The following CTNND1 variants were observed in gnomAD, a reference collection of about 807,000 sequenced individuals.
CTNND1 encodes catenin delta 1.
CTNND1 carries 16 observed loss-of-function variants against 112.1 expected under a neutral mutation model. The observed-to-expected ratio is 0.14, with a 90% CI of 0.10 to 0.22. The LOEUF (loss-of-function observed/expected upper bound fraction) is 0.22. CTNND1 is among the 10% of genes least tolerant of loss of function. The pLI, the probability that CTNND1 is intolerant of heterozygous loss-of-function variation, is 1.00. For synonymous variants in CTNND1, 420 were observed against 446.5 expected, an observed-to-expected ratio of 0.94 and a Z score of 0.75; for missense variants, 1,008 against 1,257.0, an observed-to-expected ratio of 0.80 and a Z score of 3.00.
In CTNND1 at chr11:57,815,384, T is replaced by C; in HGVS notation, c.2702-10T>C. On this transcript the variant is annotated splice_polypyrimidine_tract_variant and intron_variant, in intron 18 of 20. Transcript: ENST00000399050. Reference sequence around the variant, plus strand: ...GTCATATTTCTGTGTACTTTTTTTTTTTTAACCAGATAACAACTATTCCAC... The same window carrying C: ...GTCATATTTCTGTGTACTTTTTTTTCTTTAACCAGATAACAACTATTCCAC... 8 of 1,537,486 alleles carry C rather than the reference T, an allele frequency of 5.2e-6. No homozygotes were observed. Among genetic ancestry groups the C allele is most frequent in the Non-Finnish European group, 7.0e-6 (8 of 1,137,398 alleles).
chr11:57,765,007 C>T (rs372640570), intron 1 of CTNND1, among the ~76,000 whole-genome samples: 75 of 152,284 alleles, frequency 4.9e-4, no homozygotes, highest in Middle Eastern at 3.4e-3. Flanking sequence ...ATCTTTAGAA[C>T]GAGAATCTTT....
chr11:57,803,253 G>T (rs922782295), intron 7 of CTNND1, among the ~76,000 whole-genome samples: 25 of 152,134 alleles, frequency 1.6e-4, no homozygotes, highest in African/African-American at 6.0e-4. Context: ...GACTACAGGT[G>T]CCCGCCACCA....
chr11:57,808,112 C>T (rs562244137), intron 12 of CTNND1, 53 bp from the exon 13 acceptor site: 1 of 1,559,272 alleles, frequency 6.4e-7, no homozygotes, highest in South Asian at 1.2e-5. Context: ...CAGCTAGAGC[C>T]TGGTTTATTG....
Position 57,817,974 on chromosome 11 carries a change from G to A in CTNND1, c.*1666G>A, listed in dbSNP as rs2064064278. The stretch of plus-strand genomic sequence containing the variant: ...CTTATATATTGAGGCTATGGGGTAG[G>A]AGAAAAGTGCACAACCCACCACCCC... On this transcript the variant is annotated 3_prime_UTR_variant, in exon 21 of 21. Coordinates refer to ENST00000399050, the MANE Select transcript of CTNND1 (RefSeq NM_001085458.2). 1 of 152,364 alleles carries A rather than the reference G, an allele frequency of 6.6e-6. No individual in the cohort carries two copies. The highest frequency in any genetic ancestry group is 1.5e-5 in the Non-Finnish European group (1 of 67,994). The allele number at this position is 152,364 out of a possible 1,614,324, so 9.4% of individuals were successfully genotyped here.
chr11:57,765,956 G>A, intron 1 of CTNND1, among the ~76,000 whole-genome samples: 1 of 152,036 alleles, frequency 6.6e-6, no homozygotes, highest in East Asian at 1.9e-4. Context: ...GGATCGCTGG[G>A]CAACATGGTG....
chr11:57,784,053 G>A (rs1031732083), intron 1 of CTNND1, among the ~76,000 whole-genome samples: 22 of 151,830 alleles, frequency 1.4e-4, no homozygotes, highest in African/African-American at 5.3e-4. Flanking sequence ...CTGAGTAGCT[G>A]GGACTACAGT....
rs564745028 is a variant in CTNND1, at chr11:57,810,966, A to AT, written c.2551-433_2551-432insT. On this transcript the variant is annotated intron_variant, in intron 16 of 20. Transcript: ENST00000399050. ...AGCTAAACCCTGTCTCAAAAAAAAAAGAAAAAAAAAAAGATTTGGTTTACT... is the reference window on the plus strand; with the variant it reads ...AGCTAAACCCTGTCTCAAAAAAAAAATGAAAAAAAAAAAGATTTGGTTTACT... 3.8e-4 allele frequency among the ~76,000 whole-genome samples: 57 copies of AT among 151,752 alleles called. No individual in the cohort carries two copies. The East Asian group carries it at 0.01, about 27-fold the overall frequency.
At chr11:57,781,734 G>A (rs1486795189) in intron 1 of CTNND1, 1 of 152,696 alleles carries the variant, frequency 6.5e-6, no homozygotes, top group Non-Finnish European at 1.5e-5. Flanking sequence ...ATGGATAATG[G>A]GGGAGGAGAA....
chr11:57,811,314 G>T, intron 16 of CTNND1, 85 bp from the exon 17 acceptor site: 1 of 1,056,154 alleles, frequency 9.5e-7, no homozygotes, highest in South Asian at 1.5e-5. Context: ...TTGGGAATAG[G>T]AACCTAGAGG....
Position 57,795,781 on chromosome 11 carries a change from C to A in CTNND1, c.420+52C>A. The A allele has an allele frequency of 7.4e-6, 11 of 1,491,758 alleles. No homozygotes were observed. The South Asian group carries it at 1.4e-4, about 19-fold the overall frequency. The allele number at this position is 1,491,758 out of a possible 1,614,324, so 92.4% of individuals were successfully genotyped here. A position where few individuals can be genotyped will look rare whatever the true frequency, so the allele number is the denominator to read the frequency against. Reference sequence around the variant, plus strand: ...GAAGTGATAAGAGGTCTTTTCTTCTCTATTAGGGGAGGGGTTAAGCACTTA... The same window carrying A: ...GAAGTGATAAGAGGTCTTTTCTTCTATATTAGGGGAGGGGTTAAGCACTTA... On this transcript the variant is annotated intron_variant, in intron 5 of 20. Transcript: ENST00000399050.
chr11:57,802,984 A>T (rs1039873279), intron 7 of CTNND1, among the ~76,000 whole-genome samples: 2 of 152,212 alleles, frequency 1.3e-5, no homozygotes, highest in Non-Finnish European at 2.9e-5. Context: ...GGGTACTGGT[A>T]AACATCCAAC....
At chr11:57,782,024 G>A (rs1255284313) in intron 1 of CTNND1, among the ~76,000 whole-genome samples, 3 of 151,782 alleles carry the variant, frequency 2.0e-5, no homozygotes, top group Non-Finnish European at 4.4e-5. Context: ...AGGTCATGAT[G>A]GTGGAGGTGA....
intron 19 of CTNND1, 136 bp downstream of exon 19, chr11:57,815,636 G>T: frequency 1.2e-6 from 1 of 861,624 alleles, no homozygotes; most frequent in Middle Eastern, 2.2e-4. Flanking sequence ...AAAAGTAAGA[G>T]TTCTGACTCA....
chr11:57,762,516 C>CT (rs1017160931), intron 1 of CTNND1, among the ~76,000 whole-genome samples: 4 of 151,836 alleles, frequency 2.6e-5, no homozygotes, highest in Admixed American at 2.0e-4. Flanking sequence ...ATGTTTAAAA[C>CT]TTTTTTTTTC....
At chr11:57,780,486 AC>A (rs2059459349) in intron 1 of CTNND1, among the ~76,000 whole-genome samples, 1 of 152,216 alleles carries the variant, frequency 6.6e-6, no homozygotes, top group Admixed American at 6.5e-5. Flanking sequence ...TGGGCAAGAT[AC>A]TAAATACTTC....
Position 57,808,517 on chromosome 11 carries a change from A to T in CTNND1, c.2219A>T (p.Asp740Val). 1 of 1,605,390 alleles carries T rather than the reference A, an allele frequency of 6.2e-7. No homozygotes were observed. The highest frequency in any genetic ancestry group is 1.1e-5 in the South Asian group (1 of 89,476). ...ASGALRNLAV[D>V]ARNKELIGKH... Reference sequence around the variant, plus strand: ...GGAGCACTGAGAAACCTGGCTGTGGATGCTCGCAACAAAGAATTAATTGGT... The same window carrying T: ...GGAGCACTGAGAAACCTGGCTGTGGTTGCTCGCAACAAAGAATTAATTGGT... Residue 740 changes from aspartate to valine, a missense_variant, in exon 14 of 21, where the codon GAT becomes GTT. This residue lies in a region of CTNND1 where 254 missense variants were observed against 279.5 expected (regional missense o/e 0.91). Coordinates refer to ENST00000399050, the MANE Select transcript of CTNND1 (RefSeq NM_001085458.2).
intron 1 of CTNND1, among the ~76,000 whole-genome samples, chr11:57,776,064 G>A (rs1003654574): frequency 4.6e-5 from 7 of 152,146 alleles, no homozygotes; most frequent in African/African-American, 1.2e-4. Flanking sequence ...AACATAATTG[G>A]GCAGAGGGGA....
intron 1 of CTNND1, among the ~76,000 whole-genome samples, chr11:57,783,004 G>T (rs116380767): frequency 2.6e-5 from 4 of 152,238 alleles, no homozygotes; most frequent in Admixed American, 6.5e-5. Context: ...GGTGGAACAT[G>T]GTTGGGCATG....
At position 57,815,930 on chromosome 11, in the gene CTNND1, G is replaced by A. The variant is rs1025483892; in HGVS notation, c.2824G>A (p.Glu942Lys). The A allele has an allele frequency of 2.0e-5, 32 of 1,607,918 alleles. No individual in the cohort carries two copies. The highest frequency in any genetic ancestry group is 2.7e-5 in the Non-Finnish European group (32 of 1,178,488). ...GTGTTCACAGCAGGACGAGGGGCAG[G>A]AATCTCTGGAGGAAGAGTTGGATGT... ...TTPLMQDEGQ[E>K]SLEEELDVLV... Residue 942 changes from glutamate (E) to lysine (K), a missense_variant, in exon 20 of 21, where the codon GAA becomes AAA. Physicochemically the swap from Glu to Lys is moderately conservative, Grantham distance 56 (BLOSUM62 1). This residue lies in a region of CTNND1 where 106 missense variants were observed against 116.2 expected (regional missense o/e 0.91). Transcript: ENST00000399050.
Sources: allele counts gnomAD v4.1 joint callset (sites outside exome capture counted in the v4.1 genomes callset), GRCh38; gene constraint gnomAD v4.1.1; regional missense constraint gnomAD v4.1.1; transcripts MANE v1.5; gene names NCBI Gene and HGNC (gene_info 2026-07-23, HGNC 2026-07-21).